Variants in YY1AP1 observed in about 807,000 individuals in gnomAD.
The protein encoded by YY1AP1 is YY1-associated protein 1.
In YY1AP1, 43 loss-of-function variants were observed where a neutral mutation model predicts 39.9. The observed-to-expected ratio is 1.08, with a 90% CI of 0.84 to 1.39. YY1AP1 has a LOEUF of 1.39. Ranked by LOEUF, YY1AP1 falls within the 40% of genes most tolerant of loss-of-function variation. YY1AP1 has a pLI of 0.00. For synonymous variants in YY1AP1, 292 were observed against 331.3 expected (o/e 0.88, Z 1.29); for missense variants, 813 against 900.7 (o/e 0.90, Z 1.25).
At position 155,688,660 on chromosome 1, in the gene YY1AP1, T is replaced by G; in HGVS notation, c.-153A>C. On this transcript the variant is annotated splice_region_variant and 5_prime_UTR_variant, in exon 1 of 11. Transcript: ENST00000355499. ...TCCAGCGCAGGCCCTCACGCGTACC[T>G]TCAGCGGCGCGAGCCCAAGCCTTCT... The G allele has an allele frequency of 6.5e-7, 1 of 1,533,138 alleles. No homozygotes were observed. The highest frequency in any genetic ancestry group is 1.2e-5 in the South Asian group (1 of 83,220). 95.0% of individuals were successfully genotyped at this position (1,533,138 alleles called of 1,614,324 possible).
At chr1:155,663,341 A>T (rs947494894) in intron 9 of YY1AP1, among the ~76,000 whole-genome samples, 1 of 150,822 alleles carries the variant, frequency 6.6e-6, no homozygotes, top group Admixed American at 6.6e-5. Context: ...ACTGCACTCC[A>T]GCCTGGCAAC....
At chr1:155,670,504 A>T (rs766802372) in intron 7 of YY1AP1, 40 bp from the exon 8 acceptor site, 4 of 1,611,418 alleles carry the variant, frequency 2.5e-6, no homozygotes, top group Non-Finnish European at 2.5e-6. Context: ...ACTTCTAGGA[A>T]AAAAGAGGGC....
At chr1:155,685,826 C>T (rs893957499) in intron 2 of YY1AP1, among the ~76,000 whole-genome samples, 1 of 152,056 alleles carries the variant, frequency 6.6e-6, no homozygotes, top group African/African-American at 2.4e-5. Context: ...TTATGCTCAT[C>T]TTCTAACTTG....
rs1022056886 is a variant in YY1AP1 at position 155,682,463 on chromosome 1, G to C, written c.-20-2007C>G. Among the ~76,000 whole-genome samples, 5 of 152,002 alleles carry C rather than the reference G, an allele frequency of 3.3e-5. No individual in the cohort carries two copies. The East Asian group carries it at 7.8e-4, about 24-fold the overall frequency. On this transcript the variant is annotated intron_variant, in intron 2 of 10. Coordinates refer to ENST00000355499, the MANE Select transcript of YY1AP1 (RefSeq NM_139119.3). ...ACATCTACATACTCTACATGTCAGA[G>C]TTTTTGTTTCTGTTTTTTCGAGAGT...
At chr1:155,688,480 G>T in intron 1 of YY1AP1, 179 bp downstream of exon 1, 1 of 1,549,608 alleles carries the variant, frequency 6.5e-7, no homozygotes. Flanking sequence ...GCGCACGTCA[G>T]CCCGCACGCG....
intron 2 of YY1AP1, among the ~76,000 whole-genome samples, chr1:155,682,638 G>C (rs1294766751): frequency 6.6e-6 from 1 of 151,938 alleles, no homozygotes; most frequent in East Asian, 1.9e-4. Flanking sequence ...AGGGATTACA[G>C]GCATGAGCCA....
At chr1:155,672,817 C>A in intron 6 of YY1AP1, 86 bp from the exon 7 acceptor site, 1 of 1,577,870 alleles carries the variant, frequency 6.3e-7, no homozygotes, top group East Asian at 2.2e-5. Flanking sequence ...AGAAGCTGAC[C>A]TTCCTACTAC....
Position 155,670,402 on chromosome 1 carries a change from T to G in YY1AP1, c.646A>C (p.Met216Leu), listed in dbSNP as rs202075688. 8.7e-6 allele frequency: 14 copies of G among 1,614,062 alleles called. No individual in the cohort carries two copies. In the East Asian group the frequency reaches 2.5e-4, roughly 28 times the overall value. Residue 216 changes from methionine to leucine, a missense_variant, in exon 8 of 11, where the codon ATG (methionine) becomes CTG (leucine). Physicochemically the swap from Met to Leu is conservative, Grantham distance 15. Around this residue, in one of 3 missense-constraint regions of YY1AP1, gnomAD observed 586 missense variants for 647.4 expected, o/e 0.91. Coordinates refer to ENST00000355499, the MANE Select transcript of YY1AP1 (RefSeq NM_139119.3). ...AWILATSKVF[M>L]YPELLPVCSL... Reference sequence around the variant, plus strand: ...CACACTGGAAGTAACTCTGGATACATGAAAACCTTGCTTGTGGCCAGGATC... The same window carrying G: ...CACACTGGAAGTAACTCTGGATACAGGAAAACCTTGCTTGTGGCCAGGATC...
chr1:155,676,358 T>C (rs1650676977), intron 5 of YY1AP1, among the ~76,000 whole-genome samples, 190 bp downstream of exon 5: 1 of 152,246 alleles, frequency 6.6e-6, no homozygotes, highest in African/African-American at 2.4e-5. Flanking sequence ...ATGTGCTGTC[T>C]TCCCTGAGCC....
chr1:155,676,157 G>C (rs1384776003), intron 5 of YY1AP1, among the ~76,000 whole-genome samples: 1 of 151,986 alleles, frequency 6.6e-6, no homozygotes, highest in Admixed American at 6.5e-5. Flanking sequence ...GGGAGGCAGA[G>C]CTTGCAGTGA....
intron 2 of YY1AP1, among the ~76,000 whole-genome samples, chr1:155,681,332 A>G (rs374430280): frequency 2.6e-5 from 4 of 152,054 alleles, no homozygotes; most frequent in African/African-American, 9.7e-5. Context: ...GACCAGCCCA[A>G]TGATTTTATA....
At chr1:155,688,504 G>A (rs1239733660) in intron 1 of YY1AP1, 155 bp downstream of exon 1, 1 of 1,547,934 alleles carries the variant, frequency 6.5e-7, no homozygotes, top group Non-Finnish European at 8.7e-7. Flanking sequence ...GAGTGTCTAC[G>A]GGCTCGTCGC....
At position 155,676,699 on chromosome 1, in the gene YY1AP1, G is replaced by C. The variant is rs1026131024; in HGVS notation, c.173C>G (p.Ala58Gly). ...CTTCAGCTGTTCAAATAGTTCCTTC[G>C]CTATCTGATGTTGTTCATTTAGTAG... is the stretch of plus-strand genomic sequence containing the variant. Reference protein sequence around the residue: ...ANLLNEQHQIAKELFEQLKMK... With the variant: ...ANLLNEQHQIGKELFEQLKMK... The change falls in exon 5 of 11, where the codon GCG becomes GGG. Residue 58 changes from alanine (A) to glycine (G), a missense_variant. Physicochemically the swap from Ala to Gly is moderately conservative, Grantham distance 60. Transcript: ENST00000355499. The C allele has an allele frequency of 6.2e-7, 1 of 1,613,906 alleles. No individual in the cohort carries two copies. Among genetic ancestry groups the C allele is most frequent in the Non-Finnish European group, 8.5e-7 (1 of 1,180,010 alleles).
chr1:155,685,891 T>G (rs1207902532), intron 2 of YY1AP1, among the ~76,000 whole-genome samples: 2 of 152,088 alleles, frequency 1.3e-5, no homozygotes, highest in East Asian at 1.9e-4. Context: ...CCAAAAAACT[T>G]TTAAGAACCA....
chr1:155,682,500 C>G (rs992413278), intron 2 of YY1AP1, among the ~76,000 whole-genome samples: 1 of 151,976 alleles, frequency 6.6e-6, no homozygotes, highest in Non-Finnish European at 1.5e-5. Context: ...GCTGGGATTA[C>G]AGGCACCTGC....
At chr1:155,666,944 G>A (rs1473551437) in intron 9 of YY1AP1, among the ~76,000 whole-genome samples, 1 of 152,130 alleles carries the variant, frequency 6.6e-6, no homozygotes, top group Non-Finnish European at 1.5e-5. Context: ...AGGTTGCAGT[G>A]AGCTAAAATT....
intron 9 of YY1AP1, among the ~76,000 whole-genome samples, chr1:155,665,784 C>CAAAAAA (rs58155011): frequency 8.6e-5 from 3 of 35,038 alleles, no homozygotes; most frequent in African/African-American, 1.6e-4. Context: ...CTCTGTGTCT[C>CAAAAAA]AAAAAAAAAA....
Position 155,660,916 on chromosome 1 carries a change from A to G in YY1AP1, c.997-3T>C, listed in dbSNP as rs199512200. ...TCCTGGATGGATGGCAGACTGGCCT[A>G]TTGGAAATGAGAACACTCTGATCCA... On this transcript the variant is annotated splice_region_variant and splice_polypyrimidine_tract_variant and intron_variant, in intron 10 of 10. Coordinates refer to ENST00000355499, the MANE Select transcript of YY1AP1 (RefSeq NM_139119.3). The G allele has an allele frequency of 3.1e-6, 5 of 1,614,122 alleles. No homozygotes were observed. The highest frequency in any genetic ancestry group is 4.5e-5 in the East Asian group (2 of 44,892).
At chr1:155,667,588 C>T (rs2149036700) in intron 9 of YY1AP1, among the ~76,000 whole-genome samples, 2 of 152,192 alleles carry the variant, frequency 1.3e-5, no homozygotes, top group South Asian at 2.1e-4. Flanking sequence ...CTTAGGGAGG[C>T]CGAGGCAGAT....
Sources: allele counts gnomAD v4.1 joint callset (sites outside exome capture counted in the v4.1 genomes callset), GRCh38; gene constraint gnomAD v4.1.1; regional missense constraint gnomAD v4.1.1; transcripts MANE v1.5; gene names NCBI Gene and HGNC (gene_info 2026-07-23, HGNC 2026-07-21).